The following LYPD6B variants were observed in gnomAD, a reference collection of about 807,000 sequenced individuals.
The protein encoded by LYPD6B is ly6/PLAUR domain-containing protein 6B.
A neutral mutation model predicts 22.8 loss-of-function variants in LYPD6B; 17 were observed. That is an observed-to-expected ratio of 0.75 (90% CI 0.51 to 1.12). The LOEUF is 1.12. LYPD6B is among the 50% of genes most tolerant of loss of function. The pLI is 0.00. For missense variants in LYPD6B, 221 were observed against 258.3 expected, an observed-to-expected ratio of 0.86 and a Z score of 0.99; for synonymous variants, 106 against 91.6, an observed-to-expected ratio of 1.16 and a Z score of -0.90.
intron 3 of LYPD6B, among the ~76,000 whole-genome samples, chr2:149,164,610 AT>A (rs1359248471): frequency 6.6e-6 from 1 of 152,192 alleles, no homozygotes; most frequent in African/African-American, 2.4e-5. Flanking sequence ...AACAAACAAA[AT>A]CCTGTATTCC....
intron 2 of LYPD6B, among the ~76,000 whole-genome samples, chr2:149,159,867 G>A (rs1309333978): frequency 6.6e-6 from 1 of 152,066 alleles, no homozygotes; most frequent in Non-Finnish European, 1.5e-5. Flanking sequence ...ATTATGAAAG[G>A]TAATTTGCTT....
intron 1 of LYPD6B, among the ~76,000 whole-genome samples, chr2:149,094,600 AT>A (rs1553482135): frequency 6.6e-6 from 1 of 152,228 alleles, no homozygotes; most frequent in Non-Finnish European, 1.5e-5. Flanking sequence ...TCTTGAGAGC[AT>A]TCATTAGCTC....
At chr2:149,119,327 T>A (rs1280469168) in intron 1 of LYPD6B, among the ~76,000 whole-genome samples, 1 of 152,204 alleles carries the variant, frequency 6.6e-6, no homozygotes, top group Admixed American at 6.5e-5. Context: ...AAACCATCAG[T>A]TTAAAATTAA....
chr2:149,103,226 G>A lies in LYPD6B; in HGVS notation c.-66-27657G>A, dbSNP rs187970627. ...TGGTGGAGATGAGTGCAGTGACAGC[G>A]TTGCATGGTATCTAGTGGCAACGTT... On this transcript the variant is annotated intron_variant, in intron 1 of 6. Coordinates refer to ENST00000409642, the MANE Select transcript of LYPD6B (RefSeq NM_177964.5). Among the ~76,000 whole-genome samples, 43 of 152,320 alleles carry A rather than the reference G, an allele frequency of 2.8e-4. 1 individual carries two copies. Among genetic ancestry groups the A allele is most frequent in the Admixed American group, 2.4e-3 (36 of 15,308 alleles).
At chr2:149,208,880 G>A (rs1281367977) in intron 5 of LYPD6B, among the ~76,000 whole-genome samples, 1 of 152,164 alleles carries the variant, frequency 6.6e-6, no homozygotes, top group East Asian at 1.9e-4. Flanking sequence ...CAGAATGAAT[G>A]GAAGCCTCTG....
intron 3 of LYPD6B, chr2:149,187,678 A>G: frequency 3.6e-6 from 2 of 558,372 alleles, no homozygotes; most frequent in Non-Finnish European, 5.9e-6. Context: ...CCACATTAGA[A>G]GAAGAGCTAT....
chr2:149,183,610 A>G (rs1204827125), intron 3 of LYPD6B, among the ~76,000 whole-genome samples: 1 of 152,166 alleles, frequency 6.6e-6, no homozygotes, highest in Non-Finnish European at 1.5e-5. Flanking sequence ...ATTTTAGAAT[A>G]CATGTAGTAG....
At chr2:149,179,363 G>A (rs556440492) in intron 3 of LYPD6B, among the ~76,000 whole-genome samples, 45 of 152,306 alleles carry the variant, frequency 3.0e-4, no homozygotes, top group Middle Eastern at 6.8e-3. Flanking sequence ...TGGCAGTGCC[G>A]ATGACGATGA....
At chr2:149,201,009 G>T (rs1693115944) in intron 3 of LYPD6B, among the ~76,000 whole-genome samples, 1 of 152,198 alleles carries the variant, frequency 6.6e-6, no homozygotes, top group South Asian at 2.1e-4. Context: ...TAAGCTCTGT[G>T]TTGGGAAAAA....
At chr2:149,077,420 A>G (rs1344695599) in intron 1 of LYPD6B, 5 of 152,078 alleles carry the variant, frequency 3.3e-5, no homozygotes, top group Non-Finnish European at 5.9e-5. Flanking sequence ...TGAAAACCTT[A>G]TTTTTATACA....
intron 3 of LYPD6B, among the ~76,000 whole-genome samples, chr2:149,182,278 C>T (rs1003725797): frequency 6.6e-5 from 10 of 152,136 alleles, no homozygotes; most frequent in African/African-American, 2.4e-4. Context: ...TTATTTAATG[C>T]ATCATCAGTT....
chr2:149,096,041 G>A (rs930043676), intron 1 of LYPD6B, among the ~76,000 whole-genome samples: 2 of 151,898 alleles, frequency 1.3e-5, no homozygotes, highest in East Asian at 1.9e-4. Flanking sequence ...AGGGAGGCAC[G>A]GAGAGAGACA....
chr2:149,141,332 G>T (rs527750904), intron 2 of LYPD6B, among the ~76,000 whole-genome samples: 20 of 152,294 alleles, frequency 1.3e-4, no homozygotes, highest in South Asian at 2.1e-4. Flanking sequence ...TGGAGTACAG[G>T]GGGGAGAGAA....
At chr2:149,100,561 G>T (rs1272142099) in intron 1 of LYPD6B, among the ~76,000 whole-genome samples, 2 of 152,200 alleles carry the variant, frequency 1.3e-5, no homozygotes, top group East Asian at 3.9e-4. Flanking sequence ...TCACCAATGG[G>T]TATGGGTCCT....
chr2:149,160,505 C>T (rs1034158538), intron 2 of LYPD6B: 5 of 581,150 alleles, frequency 8.6e-6, no homozygotes, highest in African/African-American at 7.4e-5. Context: ...CAATTATTAC[C>T]ATTCTTAATT....
rs115139689 is a variant in LYPD6B at position 149,199,250 on chromosome 2, T to C, written c.78-6003T>C. Among the ~76,000 whole-genome samples, 1,412 of 152,332 alleles carry C rather than the reference T, an allele frequency of 9.3e-3. 16 individuals are homozygous for C. Among genetic ancestry groups the C allele is most frequent in the Admixed American group, 0.013 (200 of 15,296 alleles). On this transcript the variant is annotated intron_variant, in intron 3 of 6. Coordinates refer to ENST00000409642, the MANE Select transcript of LYPD6B (RefSeq NM_177964.5). ...TGACTCTAAGACTCACTTTTCTTACTGGCAAATGGGCACAGTATTTCTTAA... is the reference window on the plus strand; with the variant it reads ...TGACTCTAAGACTCACTTTTCTTACCGGCAAATGGGCACAGTATTTCTTAA...
At chr2:149,152,915 G>T (rs534133112) in intron 2 of LYPD6B, among the ~76,000 whole-genome samples, 1 of 152,254 alleles carries the variant, frequency 6.6e-6, no homozygotes, top group South Asian at 2.1e-4. Flanking sequence ...AAGTCACCTG[G>T]GCATTGCAGT....
intron 6 of LYPD6B, among the ~76,000 whole-genome samples, chr2:149,213,795 T>C (rs778321073): frequency 4.6e-5 from 7 of 152,198 alleles, no homozygotes; most frequent in Non-Finnish European, 5.9e-5. Context: ...CCAGACCAGT[T>C]GAAATGGAAC....
intron 1 of LYPD6B, among the ~76,000 whole-genome samples, chr2:149,113,002 G>A (rs993469820): frequency 6.6e-6 from 1 of 152,184 alleles, no homozygotes; most frequent in Non-Finnish European, 1.5e-5. Context: ...GAAGAAGGCA[G>A]ATAGAAGGTA....
Sources: allele counts gnomAD v4.1 joint callset (sites outside exome capture counted in the v4.1 genomes callset), GRCh38; gene constraint gnomAD v4.1.1; transcripts MANE v1.5; gene names NCBI Gene and HGNC (gene_info 2026-07-23, HGNC 2026-07-21).